The following NEK9 variants were observed in gnomAD, a reference collection of about 807,000 sequenced individuals.
The protein encoded by NEK9 is serine/threonine-protein kinase Nek9.
NEK9 carries 75 observed loss-of-function variants against 123.4 expected under a neutral mutation model. The ratio of observed to expected loss-of-function variants is 0.61; its 90% CI spans 0.50 to 0.74. The LOEUF (loss-of-function observed/expected upper bound fraction) is 0.74. NEK9 is among the 30% of genes least tolerant of loss of function. The pLI is 0.00. For missense variants in NEK9, 952 were observed against 1,214.4 expected, an observed-to-expected ratio of 0.78 and a Z score of 3.21; for synonymous variants, 438 against 458.7, an observed-to-expected ratio of 0.95 and a Z score of 0.58.
intron 6 of NEK9, among the ~76,000 whole-genome samples, chr14:75,115,462 T>G (rs1056306762): frequency 6.6e-6 from 1 of 152,188 alleles, no homozygotes. Context: ...TTAGGAGAAT[T>G]AGATGATATA....
In NEK9 at chr14:75,079,988, C is replaced by G. The variant is rs989472143; in HGVS notation, c.*4576G>C. ...AAAGAAATAAAACAATAGTCAATGC[C>G]TTAAGTGTTCCCTTTAATCTCTACA... On this transcript the variant is annotated 3_prime_UTR_variant, in exon 22 of 22. Transcript: ENST00000238616. 6.6e-6 allele frequency: 1 copy of G among 152,206 alleles called. No individual in the cohort carries two copies. Among genetic ancestry groups the G allele is most frequent in the Non-Finnish European group, 1.5e-5 (1 of 68,042 alleles). The allele number at this position is 152,206 out of a possible 1,614,324, so 9.4% of individuals were successfully genotyped here.
At chr14:75,087,397 G>A (rs1029948735) in intron 20 of NEK9, among the ~76,000 whole-genome samples, 167 bp from the exon 21 acceptor site, 3 of 152,206 alleles carry the variant, frequency 2.0e-5, no homozygotes, top group Non-Finnish European at 2.9e-5. Context: ...TTATAACAGC[G>A]ATGGGCACTG....
At chr14:75,090,499 T>C (rs965381160) in intron 19 of NEK9, among the ~76,000 whole-genome samples, 1 of 152,070 alleles carries the variant, frequency 6.6e-6, no homozygotes, top group African/African-American at 2.4e-5. Context: ...AGATATATCA[T>C]CCTCTTCTGC....
At chr14:75,100,681 G>A (rs538694815) in intron 16 of NEK9, among the ~76,000 whole-genome samples, 156 of 152,268 alleles carry the variant, frequency 1.0e-3, no homozygotes, top group African/African-American at 3.5e-3. Flanking sequence ...AAGATACTGG[G>A]CAAGTTATAT....
At position 75,127,029 on chromosome 14, in the gene NEK9, A is replaced by C. The variant is rs987121732; in HGVS notation, c.-108T>G. 1.5e-5 allele frequency: 14 copies of C among 918,114 alleles called. No homozygotes were observed. The highest frequency in any genetic ancestry group is 4.0e-5 in the Admixed American group (1 of 25,238). The allele number at this position is 918,114 out of a possible 1,614,324, so 56.9% of individuals were successfully genotyped here. The stretch of plus-strand genomic sequence containing the variant: ...GGCCCGCGGATCCGTCAGCCCAGCA[A>C]CCCCGCGAAGCTCGATGGTGGCTCC... On this transcript the variant is annotated 5_prime_UTR_variant, in exon 1 of 22. Transcript: ENST00000238616.
chr14:75,116,803 T>G (rs1895157326), intron 6 of NEK9, among the ~76,000 whole-genome samples: 1 of 152,048 alleles, frequency 6.6e-6, no homozygotes, highest in Non-Finnish European at 1.5e-5. Flanking sequence ...CAGGCTGGAG[T>G]GCAGTGGCAT....
chr14:75,126,960 C>G lies in NEK9; in HGVS notation c.-39G>C. 1.4e-6 allele frequency: 2 copies of G among 1,394,072 alleles called. No individual in the cohort carries two copies. The highest frequency in any genetic ancestry group is 1.9e-6 in the Non-Finnish European group (2 of 1,063,548). 86.4% of individuals were successfully genotyped at this position (1,394,072 alleles called of 1,614,324 possible). On this transcript the variant is annotated 5_prime_UTR_variant, in exon 1 of 22. Coordinates refer to ENST00000238616, the MANE Select transcript of NEK9 (RefSeq NM_033116.6). ...GGCCTTGGGGACCAGCCTGCGTATG[C>G]CCGGAGGCCCTGGCCGCGCTGCGTC...
At chr14:75,095,475 G>C (rs1395609503) in intron 17 of NEK9, 44 bp from the exon 18 acceptor site, 1 of 1,359,862 alleles carries the variant, frequency 7.4e-7, no homozygotes, top group Non-Finnish European at 1.0e-6. Context: ...TACTGATATA[G>C]GCAAGAAAAA....
intron 1 of NEK9, among the ~76,000 whole-genome samples, chr14:75,125,999 T>G (rs542171762): frequency 6.6e-6 from 1 of 152,344 alleles, no homozygotes; most frequent in East Asian, 1.9e-4. Flanking sequence ...TGTGCATATG[T>G]GCAAATGTGT....
At chr14:75,106,475 A>G (rs1894779300) in intron 12 of NEK9, 27 bp downstream of exon 12, 1 of 1,613,020 alleles carries the variant, frequency 6.2e-7, no homozygotes. Flanking sequence ...CCTGTGAAGA[A>G]GTGGACAGAG....
At position 75,087,035 on chromosome 14, in the gene NEK9, A is replaced by G. The variant is rs758667617; in HGVS notation, c.2800T>C (p.Leu934=). ...FTQLQKLNKK[L]EGGQQVGMHS... is the part of the protein sequence containing the mutation. ...GCTCTCACCTGCTGCCCTCCTTCTAATTTCTTGTTCAACTTCTGCAGTTGG... is the reference window on the plus strand; with the variant it reads ...GCTCTCACCTGCTGCCCTCCTTCTAGTTTCTTGTTCAACTTCTGCAGTTGG... Residue 934 remains leucine (L), a synonymous_variant, in exon 21 of 22, where the codon TTA becomes CTA. Coordinates refer to ENST00000238616, the MANE Select transcript of NEK9 (RefSeq NM_033116.6). 2 of 1,614,010 alleles carry G rather than the reference A, an allele frequency of 1.2e-6. No individual in the cohort carries two copies. The highest frequency in any genetic ancestry group is 2.7e-5 in the African/African-American group (2 of 74,906).
chr14:75,096,318 A>AATGTATGT (rs1040459599), intron 17 of NEK9, among the ~76,000 whole-genome samples: 4 of 148,154 alleles, frequency 2.7e-5, no homozygotes, highest in Non-Finnish European at 6.0e-5. Flanking sequence ...CAAGGATTCT[A>AATGTATGT]ATGTATGTGC....
intron 6 of NEK9, 95 bp downstream of exon 6, chr14:75,117,100 G>T: frequency 1.4e-6 from 2 of 1,403,898 alleles, no homozygotes; most frequent in South Asian, 1.4e-5. Flanking sequence ...ATTTTTGCCA[G>T]AAATCAGAAG....
At chr14:75,094,898 C>T (rs1894330319) in intron 18 of NEK9, among the ~76,000 whole-genome samples, 1 of 152,004 alleles carries the variant, frequency 6.6e-6, no homozygotes, top group South Asian at 2.1e-4. Flanking sequence ...AGCATGGTCC[C>T]CAATAATAGA....
intron 21 of NEK9, chr14:75,086,582 T>C: frequency 6.0e-6 from 1 of 167,890 alleles, no homozygotes. Flanking sequence ...CCAAGGCTTC[T>C]GGGATTATAA....
chr14:75,110,222 G>A, intron 9 of NEK9, 99 bp downstream of exon 9: 1 of 891,044 alleles, frequency 1.1e-6, no homozygotes, highest in Non-Finnish European at 1.8e-6. Context: ...CTGAAAGGAT[G>A]CCAAAGTATC....
chr14:75,089,087 A>G (rs965770009), intron 19 of NEK9, among the ~76,000 whole-genome samples: 1 of 151,850 alleles, frequency 6.6e-6, no homozygotes, highest in Non-Finnish European at 1.5e-5. Flanking sequence ...TTTTTTTTGA[A>G]ACAGGGTCTT....
At chr14:75,126,676 A>AGG (rs1895539478) in intron 1 of NEK9, 27 bp downstream of exon 1, 2 of 1,385,096 alleles carry the variant, frequency 1.4e-6, no homozygotes. Flanking sequence ...AGCGCCAGAC[A>AGG]GGGCGGCCGG....
rs376997114 is a variant in NEK9 at position 75,101,778 on chromosome 14, A to G, written c.1732-13T>C. ...CTTCATGGTATGCCTGAAACAAAAT[A>G]AAACACAAAGCAGATGCATGAGGTA... On this transcript the variant is annotated splice_polypyrimidine_tract_variant and intron_variant, in intron 14 of 21. Coordinates refer to ENST00000238616, the MANE Select transcript of NEK9 (RefSeq NM_033116.6). The G allele has an allele frequency of 6.9e-5, 110 of 1,583,728 alleles. No individual in the cohort carries two copies. In the African/African-American group the frequency reaches 1.3e-3, roughly 19 times the overall value.
Sources: allele counts gnomAD v4.1 joint callset (sites outside exome capture counted in the v4.1 genomes callset), GRCh38; gene constraint gnomAD v4.1.1; transcripts MANE v1.5; gene names NCBI Gene and HGNC (gene_info 2026-07-23, HGNC 2026-07-21).